The following ZDHHC14 variants were observed in gnomAD, a reference collection of about 807,000 sequenced individuals.
ZDHHC14 encodes palmitoyltransferase ZDHHC14.
Under a neutral mutation model 47.7 loss-of-function variants are expected in ZDHHC14, and 16 were observed. That is an observed-to-expected ratio of 0.34 (90% CI 0.23 to 0.51). The LOEUF is 0.51. ZDHHC14 is among the 20% of genes least tolerant of loss of function. The probability of loss-of-function intolerance (pLI) is 0.97; values close to 1 mark genes in which losing one functional copy is unlikely to be tolerated. For missense variants in ZDHHC14, 515 were observed against 662.5 expected (o/e 0.78, Z 2.44); for synonymous variants, 293 against 278.9 (o/e 1.05, Z -0.50).
At chr6:157,532,014 C>A (rs1562465396) in intron 1 of ZDHHC14, among the ~76,000 whole-genome samples, 1 of 152,260 alleles carries the variant, frequency 6.6e-6, no homozygotes, top group Non-Finnish European at 1.5e-5. Flanking sequence ...TGCCTGCCCA[C>A]CCTGGGTGAG....
At chr6:157,577,241 C>T (rs2114867306) in intron 2 of ZDHHC14, among the ~76,000 whole-genome samples, 1 of 152,316 alleles carries the variant, frequency 6.6e-6, no homozygotes, top group Middle Eastern at 3.4e-3. Flanking sequence ...ATATGTACCA[C>T]ATTTTCTTCA....
intron 1 of ZDHHC14, among the ~76,000 whole-genome samples, chr6:157,414,521 T>C (rs1348222662): frequency 6.6e-6 from 1 of 152,166 alleles, no homozygotes; most frequent in South Asian, 2.1e-4. Flanking sequence ...GTGCTGGTGT[T>C]GTAGTCTGAA....
intron 4 of ZDHHC14, chr6:157,631,976 G>T (rs1785761234): frequency 6.6e-6 from 1 of 152,272 alleles, no homozygotes; most frequent in Admixed American, 6.5e-5. Context: ...GAAGAATAGG[G>T]AGCCAAGCCA....
rs10719123 is a variant in ZDHHC14 at position 157,411,752 on chromosome 6, T to TAA, written c.245+29504_245+29505dup. Among the ~76,000 whole-genome samples, 952 of 139,504 alleles carry TAA rather than the reference T, an allele frequency of 6.8e-3. 19 individuals carry two copies. The highest frequency in any genetic ancestry group is 0.024 in the African/African-American group (904 of 37,838). 91.5% of individuals were successfully genotyped at this position (139,504 alleles called of 152,430 possible). ...GACTTTCCTTCCTGCATGTTCATGG[T>TAA]AAAAAAAAAAAAAAAAAAATTAAAG... is the stretch of plus-strand genomic sequence containing the variant. On this transcript the variant is annotated intron_variant, in intron 1 of 8. Coordinates refer to ENST00000359775, the MANE Select transcript of ZDHHC14 (RefSeq NM_024630.3).
At position 157,672,909 on chromosome 6, in the gene ZDHHC14, C is replaced by T. The variant is rs1235274949; in HGVS notation, c.1254C>T (p.Leu418=). ...CACCGCCCGCCTCCATGCCCAACCT[C>T]GCCGAGGCCACGCTCGCGGACGTGA... ...PPTPPASMPN[L]AEATLADVMP... Residue 418 remains leucine, a synonymous_variant, in exon 9 of 9, where the codon CTC becomes CTT. Transcript: ENST00000359775. 22 of 1,605,046 alleles carry T rather than the reference C, an allele frequency of 1.4e-5. No homozygotes were observed. In the Admixed American group the frequency reaches 1.7e-4, roughly 12 times the overall value.
chr6:157,607,037 A>G (rs557050331), intron 3 of ZDHHC14, among the ~76,000 whole-genome samples: 1 of 97,938 alleles, frequency 1.0e-5, no homozygotes, highest in East Asian at 3.8e-4. Context: ...AGATCTTACT[A>G]GTTAGCATAT....
At chr6:157,592,952 T>C (rs1184415145) in intron 2 of ZDHHC14, 36 bp from the exon 3 acceptor site, 3 of 1,586,102 alleles carry the variant, frequency 1.9e-6, no homozygotes, top group African/African-American at 2.7e-5. Context: ...AGGGAGGCTC[T>C]GAAGGTGTGC....
intron 1 of ZDHHC14, among the ~76,000 whole-genome samples, chr6:157,435,128 A>G (rs979636675): frequency 1.4e-4 from 21 of 152,224 alleles, no homozygotes; most frequent in African/African-American, 3.9e-4. Flanking sequence ...TTCTTTGCAT[A>G]TGTTTATCCC....
chr6:157,667,280 G>C (rs541040818), intron 8 of ZDHHC14, among the ~76,000 whole-genome samples: 1 of 152,200 alleles, frequency 6.6e-6, no homozygotes, highest in Admixed American at 6.5e-5. Flanking sequence ...CATAACCAAC[G>C]GCTTCTTGGT....
At chr6:157,593,664 G>A (rs1056441691) in intron 3 of ZDHHC14, among the ~76,000 whole-genome samples, 1 of 152,222 alleles carries the variant, frequency 6.6e-6, no homozygotes, top group Non-Finnish European at 1.5e-5. Flanking sequence ...CCCAACTTCC[G>A]CCAGGACAGG....
chr6:157,456,474 G>A (rs796824668), intron 1 of ZDHHC14, among the ~76,000 whole-genome samples: 44 of 152,122 alleles, frequency 2.9e-4, no homozygotes, highest in South Asian at 1.9e-3. Flanking sequence ...TGCAAAGTGG[G>A]AAGGACAGTA....
chr6:157,472,922 G>A (rs890414444), intron 1 of ZDHHC14, among the ~76,000 whole-genome samples: 1 of 152,208 alleles, frequency 6.6e-6, no homozygotes, highest in Admixed American at 6.5e-5. Flanking sequence ...GTGCCATATT[G>A]TGTTGCTTCC....
chr6:157,427,639 C>G lies in ZDHHC14; in HGVS notation c.245+45373C>G, dbSNP rs1204450432. On this transcript the variant is annotated intron_variant, in intron 1 of 8. Transcript: ENST00000359775. This position sits in a 1 kb window ranked among gnomAD's most constrained non-coding sequence, Gnocchi z 4.4. The stretch of plus-strand genomic sequence containing the variant: ...GATATGAGAGGAGAACAGAGGGGCC[C>G]GCAGGCAGAGGAACGTGAGTATTGA... 6.6e-6 allele frequency among the ~76,000 whole-genome samples: 1 copy of G among 152,012 alleles called. No homozygotes were observed. The highest frequency in any genetic ancestry group is 1.5e-5 in the Non-Finnish European group (1 of 68,016).
At chr6:157,392,778 C>A (rs928065900) in intron 1 of ZDHHC14, among the ~76,000 whole-genome samples, 1 of 152,152 alleles carries the variant, frequency 6.6e-6, no homozygotes, top group Non-Finnish European at 1.5e-5. Context: ...CTGGAGCTAA[C>A]ATACCATTAC....
chr6:157,426,624 G>T (rs942059069), intron 1 of ZDHHC14, among the ~76,000 whole-genome samples: 9 of 152,140 alleles, frequency 5.9e-5, no homozygotes, highest in African/African-American at 1.9e-4. Context: ...CCTGGCTGTG[G>T]GTTTGGATGA....
intron 1 of ZDHHC14, among the ~76,000 whole-genome samples, chr6:157,423,802 G>A (rs1286816982): frequency 6.6e-6 from 1 of 152,182 alleles, no homozygotes; most frequent in African/African-American, 2.4e-5. Context: ...TGCCATCTGT[G>A]GATTTGGAGG....
At chr6:157,441,608 G>A (rs2114792529) in intron 1 of ZDHHC14, among the ~76,000 whole-genome samples, 1 of 152,362 alleles carries the variant, frequency 6.6e-6, no homozygotes, top group South Asian at 2.1e-4. Context: ...GGAGGCCAAG[G>A]TGGGTGGATC....
chr6:157,468,507 A>G (rs1779276260), intron 1 of ZDHHC14, among the ~76,000 whole-genome samples: 1 of 152,214 alleles, frequency 6.6e-6, no homozygotes, highest in South Asian at 2.1e-4. Flanking sequence ...GATTGCAAAC[A>G]TGTGGCATTT....
intron 3 of ZDHHC14, among the ~76,000 whole-genome samples, chr6:157,593,377 G>A (rs1783995521): frequency 6.6e-6 from 1 of 152,192 alleles, no homozygotes; most frequent in South Asian, 2.1e-4. Context: ...GCACGAGAAT[G>A]GGGTCCTCTG....
Sources: allele counts gnomAD v4.1 joint callset (sites outside exome capture counted in the v4.1 genomes callset), GRCh38; gene constraint gnomAD v4.1.1; non-coding constraint Gnocchi (gnomAD v3.1); transcripts MANE v1.5; gene names NCBI Gene and HGNC (gene_info 2026-07-23, HGNC 2026-07-21).